AKAP13: variants seen among roughly 807,000 people sequenced by gnomAD.
AKAP13 encodes A-kinase anchor protein 13.
AKAP13 carries 80 observed loss-of-function variants against 264.5 expected under a neutral mutation model. The observed-to-expected ratio is 0.30, with a 90% CI of 0.25 to 0.36. The LOEUF is 0.36. Among genes scored for constraint, AKAP13 ranks in the 10% least tolerant of loss-of-function variants. The probability of loss-of-function intolerance (pLI) is 1.00; values close to 1 mark genes in which losing one functional copy is unlikely to be tolerated. For missense variants in AKAP13, 3,712 were observed against 3,435.2 expected (o/e 1.08, Z -2.01); for synonymous variants, 1,380 against 1,250.2 (o/e 1.10, Z -2.19).
At chr15:85,575,560 C>T (rs1480020926) in intron 6 of AKAP13, among the ~76,000 whole-genome samples, 11 of 152,076 alleles carry the variant, frequency 7.2e-5, no homozygotes, top group South Asian at 2.1e-4. Context: ...GGCCTGGTGG[C>T]GGGCGCCTGT....
At chr15:85,429,578 G>A (rs1161434949) in intron 1 of AKAP13, among the ~76,000 whole-genome samples, 1 of 152,174 alleles carries the variant, frequency 6.6e-6, no homozygotes, top group East Asian at 1.9e-4. Flanking sequence ...GTTAAAGTGT[G>A]CACATAATTG....
intron 4 of AKAP13, among the ~76,000 whole-genome samples, chr15:85,538,886 A>C (rs1453465397): frequency 2.0e-5 from 3 of 148,802 alleles, no homozygotes; most frequent in Non-Finnish European, 4.5e-5. Context: ...GCTAGAGTGC[A>C]GTGGTGCGAT....
intron 2 of AKAP13, among the ~76,000 whole-genome samples, chr15:85,519,720 T>TGTGGTAGTC (rs1488852830): frequency 6.6e-6 from 1 of 152,152 alleles, no homozygotes; most frequent in Non-Finnish European, 1.5e-5. Flanking sequence ...AATGCTCCAC[T>TGTGGTAGTC]GTGGTAGTCG....
chr15:85,682,867 A>G (rs2084673226), intron 15 of AKAP13, among the ~76,000 whole-genome samples: 1 of 152,050 alleles, frequency 6.6e-6, no homozygotes. Context: ...GGGTTTCTCC[A>G]TGTTGGTCAG....
intron 10 of AKAP13, among the ~76,000 whole-genome samples, chr15:85,646,682 G>T (rs1481073616): frequency 1.3e-5 from 2 of 152,144 alleles, no homozygotes; most frequent in African/African-American, 4.8e-5. Context: ...GAAGCTTCCT[G>T]CTGAGTGTGG....
intron 5 of AKAP13, among the ~76,000 whole-genome samples, chr15:85,566,387 C>T (rs1275273593): frequency 6.6e-6 from 1 of 152,110 alleles, no homozygotes; most frequent in Non-Finnish European, 1.5e-5. Flanking sequence ...TTTTTTGCAT[C>T]TATGAAGGTG....
chr15:85,605,113 C>G (rs571525887), intron 8 of AKAP13, among the ~76,000 whole-genome samples: 1 of 91,240 alleles, frequency 1.1e-5, no homozygotes, highest in South Asian at 3.1e-4. Flanking sequence ...TCCCGACAGT[C>G]AGCGCTTTGC....
At chr15:85,637,439 A>G (rs900863766) in intron 8 of AKAP13, among the ~76,000 whole-genome samples, 1 of 152,088 alleles carries the variant, frequency 6.6e-6, no homozygotes, top group Non-Finnish European at 1.5e-5. Flanking sequence ...AATGTTCGTA[A>G]TATTTCTTTA....
At chr15:85,419,531 T>G (rs1326403224) in intron 1 of AKAP13, among the ~76,000 whole-genome samples, 1 of 152,202 alleles carries the variant, frequency 6.6e-6, no homozygotes, top group Non-Finnish European at 1.5e-5. Flanking sequence ...GAAAATATAG[T>G]TGCCTAATCA....
At chr15:85,508,787 G>T (rs576866981) in intron 2 of AKAP13, among the ~76,000 whole-genome samples, 41 of 152,214 alleles carry the variant, frequency 2.7e-4, no homozygotes, top group Admixed American at 1.6e-3. Flanking sequence ...ACTGACCTTT[G>T]CTATTTTTTG....
chr15:85,683,625 A>G (rs888728245), intron 15 of AKAP13: 1 of 152,102 alleles, frequency 6.6e-6, no homozygotes, highest in African/African-American at 2.4e-5. Flanking sequence ...GCGTGCCACC[A>G]CACCTGGCTA....
intron 1 of AKAP13, among the ~76,000 whole-genome samples, chr15:85,391,278 C>A (rs1205674627): frequency 6.6e-6 from 1 of 152,124 alleles, no homozygotes; most frequent in East Asian, 1.9e-4. Flanking sequence ...TATTAGTGAA[C>A]TCTATTTTCC....
chr15:85,457,000 G>T (rs2074304075), intron 1 of AKAP13, among the ~76,000 whole-genome samples: 1 of 152,138 alleles, frequency 6.6e-6, no homozygotes. Context: ...ACTGTAGCGA[G>T]ACATTCTAGT....
intron 16 of AKAP13, among the ~76,000 whole-genome samples, chr15:85,689,632 T>C (rs1366402559): frequency 6.6e-6 from 1 of 152,212 alleles, no homozygotes; most frequent in Admixed American, 6.5e-5. Context: ...AGTTTTCTTA[T>C]GAAACTCACT....
intron 11 of AKAP13, among the ~76,000 whole-genome samples, chr15:85,657,981 A>G (rs2083177720): frequency 6.6e-6 from 1 of 152,150 alleles, no homozygotes; most frequent in Non-Finnish European, 1.5e-5. Flanking sequence ...TGAAGCTCAG[A>G]ATAAATGATT....
chr15:85,596,527 TG>T (rs1453455152), intron 8 of AKAP13, among the ~76,000 whole-genome samples: 1 of 151,986 alleles, frequency 6.6e-6, no homozygotes, highest in African/African-American at 2.4e-5. Flanking sequence ...GAGGCTGCGG[TG>T]ACCCATGATT....
intron 8 of AKAP13, among the ~76,000 whole-genome samples, chr15:85,636,691 T>A (rs1273872158): frequency 6.6e-6 from 1 of 152,060 alleles, no homozygotes; most frequent in Non-Finnish European, 1.5e-5. Context: ...CACGGCTCGC[T>A]GCAACCTCTG....
intron 1 of AKAP13, among the ~76,000 whole-genome samples, chr15:85,447,601 A>G (rs931617256): frequency 6.6e-6 from 1 of 151,648 alleles, no homozygotes; most frequent in Non-Finnish European, 1.5e-5. Flanking sequence ...GCTTCCACTT[A>G]CAAGTGAGAA....
chr15:85,539,078 G>A (rs1381987134), intron 4 of AKAP13, among the ~76,000 whole-genome samples: 2 of 152,040 alleles, frequency 1.3e-5, no homozygotes, highest in South Asian at 2.1e-4. Context: ...TGATCCTCCC[G>A]CCTCGGCCTC....
Sources: allele counts gnomAD v4.1 joint callset (sites outside exome capture counted in the v4.1 genomes callset), GRCh38; gene constraint gnomAD v4.1.1; transcripts MANE v1.5; gene names NCBI Gene and HGNC (gene_info 2026-07-23, HGNC 2026-07-21).